TRPS1: variants seen among roughly 807,000 people sequenced by gnomAD.
TRPS1 encodes the protein transcriptional repressor GATA binding 1, also known as zinc finger transcription factor Trps1.
In TRPS1, 6 loss-of-function variants were observed where a neutral mutation model predicts 101.2. The observed-to-expected ratio is 0.06, with a 90% confidence interval of 0.03 to 0.12. TRPS1 has a LOEUF of 0.12. Among genes scored for constraint, TRPS1 ranks in the 10% least tolerant of loss-of-function variants. The pLI, the probability that TRPS1 is intolerant of heterozygous loss-of-function variation, is 1.00. For synonymous variants in TRPS1, 578 were observed against 589.8 expected (o/e 0.98, Z 0.29); for missense variants, 1,363 against 1,567.0 (o/e 0.87, Z 2.20).
At chr8:115,520,030 G>C (rs1381060779) in intron 5 of TRPS1, among the ~76,000 whole-genome samples, 4 of 151,488 alleles carry the variant, frequency 2.6e-5, no homozygotes, top group African/African-American at 9.7e-5. Flanking sequence ...TAAGCATCTA[G>C]ATTCTAAACA....
chr8:115,421,653 AT>A (rs772226317), intron 5 of TRPS1, among the ~76,000 whole-genome samples: 2 of 152,210 alleles, frequency 1.3e-5, no homozygotes, highest in Non-Finnish European at 2.9e-5. Flanking sequence ...ATCTAAACAA[AT>A]TTAGTACTTT....
chr8:115,615,179 C>T (rs982187439), intron 3 of TRPS1, among the ~76,000 whole-genome samples: 1 of 152,160 alleles, frequency 6.6e-6, no homozygotes, highest in African/African-American at 2.4e-5. Context: ...CCAGTAGCTA[C>T]CTTCTTAAAG....
At chr8:115,626,878 A>G (rs1298642543) in intron 1 of TRPS1, among the ~76,000 whole-genome samples, 1 of 151,750 alleles carries the variant, frequency 6.6e-6, no homozygotes, top group Non-Finnish European at 1.5e-5. Context: ...TAGATTTTAA[A>G]TATCTCATTT....
chr8:115,544,677 T>A (rs1816530284), intron 5 of TRPS1, among the ~76,000 whole-genome samples: 1 of 152,182 alleles, frequency 6.6e-6, no homozygotes, highest in Admixed American at 6.5e-5. Context: ...TTTTGCCTGA[T>A]ATGGAGGCAC....
chr8:115,464,993 CA>C (rs1814282173), intron 5 of TRPS1, among the ~76,000 whole-genome samples: 1 of 152,024 alleles, frequency 6.6e-6, no homozygotes, highest in Non-Finnish European at 1.5e-5. Flanking sequence ...GCAAATGCTT[CA>C]GATTATTAAA....
chr8:115,447,366 T>C (rs927352066), intron 5 of TRPS1, among the ~76,000 whole-genome samples: 3 of 152,228 alleles, frequency 2.0e-5, no homozygotes, highest in Non-Finnish European at 4.4e-5. Flanking sequence ...TCAGACAGAT[T>C]TTCCACCTAT....
intron 5 of TRPS1, among the ~76,000 whole-genome samples, chr8:115,426,445 TAC>T (rs1331486898): frequency 6.6e-6 from 1 of 152,168 alleles, no homozygotes; most frequent in Non-Finnish European, 1.5e-5. Flanking sequence ...GAGAGTCAGA[TAC>T]AGTTATTAAT....
At chr8:115,508,489 T>C (rs183447985) in intron 5 of TRPS1, among the ~76,000 whole-genome samples, 1 of 152,174 alleles carries the variant, frequency 6.6e-6, no homozygotes, top group Admixed American at 6.6e-5. Flanking sequence ...GCTCCTCTAA[T>C]AGCACCATGT....
intron 5 of TRPS1, among the ~76,000 whole-genome samples, chr8:115,527,288 AATG>A (rs1393020879): frequency 6.6e-6 from 1 of 152,044 alleles, no homozygotes; most frequent in Non-Finnish European, 1.5e-5. Flanking sequence ...CTCACAAAAG[AATG>A]ATATCGTTTA....
intron 5 of TRPS1, among the ~76,000 whole-genome samples, chr8:115,568,381 T>C (rs1447047341): frequency 6.6e-6 from 1 of 152,160 alleles, no homozygotes; most frequent in Non-Finnish European, 1.5e-5. Context: ...TATGACATAA[T>C]TGTAAATTTT....
intron 5 of TRPS1, among the ~76,000 whole-genome samples, chr8:115,423,801 C>A (rs959070475): frequency 1.3e-5 from 2 of 152,042 alleles, no homozygotes; most frequent in African/African-American, 4.8e-5. Context: ...GTTAGGAAAC[C>A]CAGATATGAC....
At chr8:115,523,740 G>T (rs774316001) in intron 5 of TRPS1, among the ~76,000 whole-genome samples, 1 of 152,084 alleles carries the variant, frequency 6.6e-6, no homozygotes, top group Non-Finnish European at 1.5e-5. Flanking sequence ...AACAATATCC[G>T]TTGATACATG....
At chr8:115,442,236 T>C (rs544990279) in intron 5 of TRPS1, among the ~76,000 whole-genome samples, 23 of 152,318 alleles carry the variant, frequency 1.5e-4, no homozygotes, top group South Asian at 1.0e-3. Flanking sequence ...GCTGGTATTA[T>C]AGAAACAGCC....
At chr8:115,423,747 G>C (rs1025833208) in intron 5 of TRPS1, among the ~76,000 whole-genome samples, 2 of 152,112 alleles carry the variant, frequency 1.3e-5, no homozygotes, top group Admixed American at 6.5e-5. Context: ...TAAATCTTCA[G>C]TCAGCTATAT....
chr8:115,531,207 T>A (rs1163639152), intron 5 of TRPS1, among the ~76,000 whole-genome samples: 1 of 152,170 alleles, frequency 6.6e-6, no homozygotes, highest in Non-Finnish European at 1.5e-5. Flanking sequence ...TATAGGTGCC[T>A]GAGAAATTTT....
intron 1 of TRPS1, among the ~76,000 whole-genome samples, chr8:115,654,135 C>G (rs2130615504): frequency 6.6e-6 from 1 of 152,258 alleles, no homozygotes; most frequent in East Asian, 1.9e-4. Context: ...TCCTGTATTT[C>G]CACTCCAACA....
intron 5 of TRPS1, among the ~76,000 whole-genome samples, chr8:115,491,666 A>T (rs1046804532): frequency 2.6e-5 from 4 of 152,148 alleles, no homozygotes; most frequent in African/African-American, 7.2e-5. Context: ...GAAAGAAAGA[A>T]GAAAGAAAGA....
At chr8:115,548,931 T>C (rs769241552) in intron 5 of TRPS1, among the ~76,000 whole-genome samples, 12 of 152,202 alleles carry the variant, frequency 7.9e-5, no homozygotes, top group Non-Finnish European at 1.5e-4. Flanking sequence ...GTGAAGAAGA[T>C]GTAAAATTCA....
At chr8:115,437,295 C>G (rs781686160) in intron 5 of TRPS1, among the ~76,000 whole-genome samples, 2 of 152,230 alleles carry the variant, frequency 1.3e-5, no homozygotes. Flanking sequence ...GGGATACCCC[C>G]ATGACGGGTG....
Sources: gnomAD v4.1 joint callset for allele counts (sites outside exome capture counted in the v4.1 genomes callset) on GRCh38, gnomAD v4.1.1 for gene constraint, MANE v1.5 for transcripts, NCBI Gene and HGNC (gene_info 2026-07-23, HGNC 2026-07-21) for gene names.